The following STK32A variants were observed in gnomAD, a reference collection of about 807,000 sequenced individuals.
STK32A encodes the protein serine/threonine-protein kinase 32A.
A neutral mutation model predicts 53.2 loss-of-function variants in STK32A; 41 were observed. The observed-to-expected ratio is 0.77, with a 90% CI of 0.60 to 1.00. The LOEUF (loss-of-function observed/expected upper bound fraction) is 1.00. Ranked by LOEUF, STK32A falls within the 50% of genes least tolerant of loss-of-function variation. The pLI is 0.00. For missense variants in STK32A, 458 were observed against 485.8 expected, an observed-to-expected ratio of 0.94 and a Z score of 0.54; for synonymous variants, 166 against 162.8, an observed-to-expected ratio of 1.02 and a Z score of -0.15.
chr5:147,393,918 A>C, the STK32A span: 9 of 1,021,498 alleles, frequency 8.8e-6, no homozygotes, highest in Non-Finnish European at 1.2e-5. Flanking sequence ...CTTGAGGCTT[A>C]TTGATTCTTT....
At chr5:147,312,393 T>A (rs893970204) in intron 4 of STK32A, among the ~76,000 whole-genome samples, 5 of 152,160 alleles carry the variant, frequency 3.3e-5, no homozygotes, top group Non-Finnish European at 5.9e-5. Flanking sequence ...TGTGAACCAC[T>A]GCCCCCGGCC....
intron 4 of STK32A, among the ~76,000 whole-genome samples, chr5:147,280,591 A>T (rs1185560999): frequency 6.6e-6 from 1 of 151,790 alleles, no homozygotes. Context: ...AACTCCAGTG[A>T]CCTGGGAATC....
chr5:147,271,032 G>C (rs1490245086), intron 2 of STK32A, among the ~76,000 whole-genome samples: 1 of 150,548 alleles, frequency 6.6e-6, no homozygotes, highest in Non-Finnish European at 1.5e-5. Flanking sequence ...GTCTTGCTCT[G>C]TCACCCAGGC....
At chr5:147,324,873 G>C (rs1438995777) in intron 5 of STK32A, among the ~76,000 whole-genome samples, 1 of 152,100 alleles carries the variant, frequency 6.6e-6, no homozygotes, top group Non-Finnish European at 1.5e-5. Flanking sequence ...AGTGTTTACT[G>C]GTTGATGACT....
intron 7 of STK32A, among the ~76,000 whole-genome samples, chr5:147,352,209 C>G (rs138249874): frequency 6.6e-6 from 1 of 152,180 alleles, no homozygotes; most frequent in Non-Finnish European, 1.5e-5. Flanking sequence ...GAGACTCTGT[C>G]TCTAAAAACA....
chr5:147,359,519 T>A (rs955069644), intron 7 of STK32A, among the ~76,000 whole-genome samples: 1 of 152,068 alleles, frequency 6.6e-6, no homozygotes, highest in African/African-American at 2.4e-5. Context: ...TATAGAGTAA[T>A]GTTTATTCTA....
chr5:147,326,332 A>G (rs1754587343), intron 5 of STK32A, among the ~76,000 whole-genome samples: 1 of 152,116 alleles, frequency 6.6e-6, no homozygotes, highest in African/African-American at 2.4e-5. Flanking sequence ...TCTCCTCACC[A>G]TGGTAAAGGT....
At chr5:147,401,767 T>C in the STK32A span, 4 of 1,574,626 alleles carry the variant, frequency 2.5e-6, no homozygotes, top group South Asian at 4.6e-5. Context: ...CCTATTTAAT[T>C]TAGCTCCTAA....
intron 7 of STK32A, among the ~76,000 whole-genome samples, chr5:147,354,098 C>T (rs1481361429): frequency 6.6e-6 from 1 of 152,040 alleles, no homozygotes; most frequent in African/African-American, 2.4e-5. Flanking sequence ...AAAAATGAGC[C>T]TTATTTTCTA....
Position 147,384,212 on chromosome 5 carries a change from C to T in STK32A, c.*229C>T. On this transcript the variant is annotated 3_prime_UTR_variant, in exon 13 of 13. Coordinates refer to ENST00000397936, the MANE Select transcript of STK32A (RefSeq NM_001112724.2). ...TGATCTAGAGCAAGTCACTTAGCCA[C>T]TTTCTGTGCTTTACTTTATTTATCT... is the stretch of plus-strand genomic sequence containing the variant. 1 of 1,380,502 alleles carries T rather than the reference C, an allele frequency of 7.2e-7. No homozygotes were observed. The highest frequency in any genetic ancestry group is 9.4e-7 in the Non-Finnish European group (1 of 1,066,260). 85.5% of individuals were successfully genotyped at this position (1,380,502 alleles called of 1,614,324 possible). A position where few individuals can be genotyped will look rare whatever the true frequency, so the allele number is the denominator to read the frequency against.
At chr5:147,309,641 T>A (rs778810000) in intron 4 of STK32A, among the ~76,000 whole-genome samples, 1 of 152,218 alleles carries the variant, frequency 6.6e-6, no homozygotes, top group Non-Finnish European at 1.5e-5. Context: ...AAGGAAATTC[T>A]TGGGGAAACT....
chr5:147,365,301 C>T (rs1020729516), intron 8 of STK32A, among the ~76,000 whole-genome samples: 1 of 152,154 alleles, frequency 6.6e-6, no homozygotes, highest in Non-Finnish European at 1.5e-5. Flanking sequence ...CTGCAGGGTC[C>T]ATTTTACACC....
chr5:147,311,577 G>A (rs1753699165), intron 4 of STK32A, among the ~76,000 whole-genome samples: 1 of 152,098 alleles, frequency 6.6e-6, no homozygotes, highest in African/African-American at 2.4e-5. Flanking sequence ...GTTTTGTTTT[G>A]TTTTTAAGAG....
chr5:147,256,272 G>T (rs1754232747), intron 2 of STK32A, among the ~76,000 whole-genome samples: 1 of 152,210 alleles, frequency 6.6e-6, no homozygotes, highest in African/African-American at 2.4e-5. Context: ...GGCCCTTGGG[G>T]GCTGACCTGC....
chr5:147,270,001 A>C (rs1304903076), intron 2 of STK32A, among the ~76,000 whole-genome samples: 1 of 152,192 alleles, frequency 6.6e-6, no homozygotes, highest in Non-Finnish European at 1.5e-5. Context: ...TCAATTATGT[A>C]ATTTAGTCTA....
At chr5:147,300,925 G>A (rs1753100448) in intron 4 of STK32A, among the ~76,000 whole-genome samples, 2 of 152,196 alleles carry the variant, frequency 1.3e-5, no homozygotes, top group African/African-American at 4.8e-5. Flanking sequence ...CAACAACTGA[G>A]TGACACTTCT....
intron 5 of STK32A, among the ~76,000 whole-genome samples, chr5:147,325,762 T>C (rs1754554352): frequency 6.6e-6 from 1 of 152,196 alleles, no homozygotes; most frequent in Non-Finnish European, 1.5e-5. Context: ...CATCTTCCCA[T>C]ACTGGTTTTC....
At chr5:147,275,115 T>G (rs1755196748) in intron 2 of STK32A, among the ~76,000 whole-genome samples, 1 of 152,216 alleles carries the variant, frequency 6.6e-6, no homozygotes, top group Non-Finnish European at 1.5e-5. Flanking sequence ...ACATTCCCCT[T>G]AGGCAAATCC....
chr5:147,370,377 C>A (rs1401416294), intron 8 of STK32A, among the ~76,000 whole-genome samples: 2 of 152,076 alleles, frequency 1.3e-5, no homozygotes, highest in African/African-American at 4.8e-5. Context: ...CTGATTCAGT[C>A]CACTTGAATG....
Sources: gnomAD v4.1 joint callset for allele counts (sites outside exome capture counted in the v4.1 genomes callset) on GRCh38, gnomAD v4.1.1 for gene constraint, MANE v1.5 for transcripts, NCBI Gene and HGNC (gene_info 2026-07-23, HGNC 2026-07-21) for gene names.